SCN3B: variants seen among roughly 807,000 people sequenced by gnomAD.
The protein encoded by SCN3B is sodium voltage-gated channel beta subunit 3.
SCN3B carries 11 observed loss-of-function variants against 25.4 expected under a neutral mutation model. That is an observed-to-expected ratio of 0.43 (90% CI 0.27 to 0.72). SCN3B has a LOEUF of 0.72. Among genes scored for constraint, SCN3B ranks in the 30% least tolerant of loss-of-function variants. The pLI is 0.18. For synonymous variants in SCN3B, 109 were observed against 110.7 expected (o/e 0.99, Z 0.09); for missense variants, 218 against 278.3 (o/e 0.78, Z 1.54).
rs34964168 is a variant in SCN3B, at chr11:123,638,188, G to A, written c.582C>T (p.Asn194=). Residue 194 remains asparagine (N), a splice_region_variant and synonymous_variant, in exon 5 of 7, where the codon AAC becomes AAT. Coordinates refer to ENST00000299333, the MANE Select transcript of SCN3B (RefSeq NM_001040151.2). Reference sequence around the variant, plus strand: ...TACTTTGGCATCTCTGGACTTACGCGTTTTCTTGGGCTGCCTCTTCGGCTT... The same window carrying A: ...TACTTTGGCATCTCTGGACTTACGCATTTTCTTGGGCTGCCTCTTCGGCTT... The part of the protein sequence containing the change: ...VSKAEEAAQE[N]ASDYLAIPSE... 9.0e-4 allele frequency: 1,457 copies of A among 1,614,040 alleles called. 3 individuals carry two copies. Among genetic ancestry groups the A allele is most frequent in the African/African-American group, 6.8e-3 (508 of 75,032 alleles).
rs892730320 is a variant in SCN3B at position 123,642,934 on chromosome 11, G to T, written c.220-263C>A. Among the ~76,000 whole-genome samples the T allele has an allele frequency of 3.7e-4, 57 of 152,060 alleles. No homozygotes were observed. The highest frequency in any genetic ancestry group is 1.4e-3 in the African/African-American group (56 of 41,406). On this transcript the variant is annotated intron_variant, in intron 3 of 6. Transcript: ENST00000299333. The surrounding 1 kb of genome is among the most constrained non-coding windows in gnomAD (Gnocchi z 4.3). Reference sequence around the variant, plus strand: ...ACGTGGTGAGGACAGAGGCAGCCACGGGCGTGTAGGAAGAAGCTTGGCAGA... The same window carrying T: ...ACGTGGTGAGGACAGAGGCAGCCACTGGCGTGTAGGAAGAAGCTTGGCAGA...
chr11:123,632,212 A>C lies in SCN3B; in HGVS notation c.*1587T>G, dbSNP rs1032288994. On this transcript the variant is annotated 3_prime_UTR_variant, in exon 7 of 7. Transcript: ENST00000299333. ...TAGGCGAAGTATTTGGAAAGCACCT[A>C]CCCATCCCTCCCCTCTCACACTGCT... 1.3e-5 allele frequency: 2 copies of C among 152,192 alleles called. No homozygotes were observed. Among genetic ancestry groups the C allele is most frequent in the Non-Finnish European group, 2.9e-5 (2 of 68,022 alleles). The allele number at this position is 152,192 out of a possible 1,614,324, so 9.4% of individuals were successfully genotyped here.
At chr11:123,653,325 GT>G (rs3862615) in intron 2 of SCN3B, among the ~76,000 whole-genome samples, 30,527 of 145,228 alleles carry the variant, frequency 0.21, 3,769 homozygotes, top group East Asian at 0.45. Flanking sequence ...AGCTTTTATG[GT>G]TTTTTTTTTT....
rs757940791 is a variant in SCN3B, at chr11:123,645,588, A to G, written c.218T>C (p.Leu73Pro). ...GCCAGAGTCAGCAGTCTAACATACA[A>G]GGAAATCTTTACCGCCCTCGGGCCT... ...FYRPEGGKDF[L>P]IYEYRNGHQE... Residue 73 changes from leucine to proline, a missense_variant and splice_region_variant, in exon 3 of 7, where the codon CTT becomes CCT. Coordinates refer to ENST00000299333, the MANE Select transcript of SCN3B (RefSeq NM_001040151.2). The G allele has an allele frequency of 8.1e-6, 13 of 1,614,146 alleles. No individual in the cohort carries two copies. The South Asian group carries it at 9.9e-5, about 12-fold the overall frequency.
At chr11:123,647,943 C>T (rs905956960) in intron 2 of SCN3B, among the ~76,000 whole-genome samples, 14 of 152,166 alleles carry the variant, frequency 9.2e-5, no homozygotes, top group Admixed American at 2.6e-4. Context: ...TGGTGAGCCA[C>T]GTTAATGGAG....
chr11:123,640,573 T>C (rs1239347700), intron 4 of SCN3B: 1 of 152,016 alleles, frequency 6.6e-6, no homozygotes, highest in Non-Finnish European at 1.5e-5. Flanking sequence ...AAAGAAACAG[T>C]GGAAAGCAAG....
chr11:123,634,295 A>T (rs1955702380), intron 5 of SCN3B, 89 bp from the exon 6 acceptor site: 9 of 1,029,094 alleles, frequency 8.7e-6, no homozygotes, highest in Non-Finnish European at 1.2e-5. Flanking sequence ...AGGAGCAAGG[A>T]TCTACAGAAC....
intron 5 of SCN3B, among the ~76,000 whole-genome samples, chr11:123,634,503 G>A (rs1208092640): frequency 6.6e-6 from 1 of 152,218 alleles, no homozygotes; most frequent in Non-Finnish European, 1.5e-5. Context: ...CACTTTGGGA[G>A]GCCAAGGCAG....
chr11:123,654,011 T>G (rs1955963474), intron 1 of SCN3B, 185 bp from the exon 2 acceptor site: 1 of 610,088 alleles, frequency 1.6e-6, no homozygotes, highest in Non-Finnish European at 2.9e-6. Context: ...GCGACCCCAC[T>G]GGACCTCCCC....
At chr11:123,645,502 C>T (rs1007330190) in intron 3 of SCN3B, 85 bp downstream of exon 3, 4 of 1,381,602 alleles carry the variant, frequency 2.9e-6, no homozygotes, top group Middle Eastern at 3.6e-4. Context: ...TGTTTGCTAG[C>T]TTGGCATCCC....
In SCN3B at chr11:123,630,037, G is replaced by A. The variant is rs1410838895; in HGVS notation, c.*3762C>T. 1 of 152,148 alleles carries A rather than the reference G, an allele frequency of 6.6e-6. No homozygotes were observed. The highest frequency in any genetic ancestry group is 1.5e-5 in the Non-Finnish European group (1 of 68,030). The allele number at this position is 152,148 out of a possible 1,614,324, so 9.4% of individuals were successfully genotyped here. Reference sequence around the variant, plus strand: ...TCCAATAATTTTGGGGAGAGAGGAGGGAGTTGCTGTCTCCTACTTCCCAGC... The same window carrying A: ...TCCAATAATTTTGGGGAGAGAGGAGAGAGTTGCTGTCTCCTACTTCCCAGC... On this transcript the variant is annotated 3_prime_UTR_variant, in exon 7 of 7. Coordinates refer to ENST00000299333, the MANE Select transcript of SCN3B (RefSeq NM_001040151.2).
intron 5 of SCN3B, among the ~76,000 whole-genome samples, chr11:123,637,220 G>C (rs988351279): frequency 1.3e-5 from 2 of 152,136 alleles, no homozygotes; most frequent in Non-Finnish European, 2.9e-5. Context: ...TAAGGTACAG[G>C]CTGGACTTTA....
chr11:123,642,570 CA>C lies in SCN3B; in HGVS notation c.320del (p.Val107GlyfsTer6). 6.2e-7 allele frequency: 1 copy of C among 1,614,204 alleles called. No homozygotes were observed. The highest frequency in any genetic ancestry group is 8.5e-7 in the Non-Finnish European group (1 of 1,180,046). On this transcript the variant is annotated frameshift_variant, in exon 4 of 7. Transcript: ENST00000299333. LOFTEE classifies it high-confidence loss of function. This position sits in a 1 kb window ranked among gnomAD's most constrained non-coding sequence, Gnocchi z 4.3. ...CAGAGTCGTTCAGAGTGACGTTGAG[CA>C]CAGTGATGGACACGTCCTGCAGGTC... ...SKDLQDVSIT[V>X]LNVTLNDSGL... is the part of the protein sequence containing the mutation.
rs995559255 is a variant in SCN3B, at chr11:123,631,925, C to T, written c.*1874G>A. The T allele has an allele frequency of 5.9e-5, 9 of 152,208 alleles. No individual in the cohort carries two copies. The highest frequency in any genetic ancestry group is 5.8e-4 in the East Asian group (3 of 5,178). 9.4% of individuals were successfully genotyped at this position (152,208 alleles called of 1,614,324 possible). On this transcript the variant is annotated 3_prime_UTR_variant, in exon 7 of 7. Transcript: ENST00000299333. ...AAAAAAATGAGCTTTTAAGGTAAAG[C>T]CCTAAACCTATGGAATATGGTCTTT...
intron 6 of SCN3B, 105 bp downstream of exon 6, chr11:123,634,016 G>T: frequency 2.3e-6 from 2 of 866,846 alleles, no homozygotes; most frequent in South Asian, 1.4e-5. Context: ...GGTAGACAGT[G>T]ACCTAAGGGA....
rs1340643177 is a variant in SCN3B at position 123,629,337 on chromosome 11, G to A, written c.*4462C>T. 6.6e-6 allele frequency: 1 copy of A among 152,178 alleles called. No individual in the cohort carries two copies. 9.4% of individuals were successfully genotyped at this position (152,178 alleles called of 1,614,324 possible). A position where few individuals can be genotyped will look rare whatever the true frequency, so the allele number is the denominator to read the frequency against. ...GCAGTTCACAAGCCTGCAAGCACTC[G>A]GCCTTCAGCGGCCTCCGTCTCCATC... On this transcript the variant is annotated 3_prime_UTR_variant, in exon 7 of 7. Coordinates refer to ENST00000299333, the MANE Select transcript of SCN3B (RefSeq NM_001040151.2).
Position 123,654,276 on chromosome 11 carries a change from C to T in SCN3B, c.-76G>A, listed in dbSNP as rs1955966864. On this transcript the variant is annotated 5_prime_UTR_variant, in exon 1 of 7. Coordinates refer to ENST00000299333, the MANE Select transcript of SCN3B (RefSeq NM_001040151.2). ...GTTCCGACTGGAATCCTCCCAGCCC[C>T]GCGGCTCCTGCTTCGTCCGCCCTAA... 5.5e-6 allele frequency: 1 copy of T among 180,808 alleles called. No homozygotes were observed. The highest frequency in any genetic ancestry group is 1.2e-5 in the Non-Finnish European group (1 of 84,266). The allele number at this position is 180,808 out of a possible 1,614,324, so 11.2% of individuals were successfully genotyped here. A position where few individuals can be genotyped will look rare whatever the true frequency, so the allele number is the denominator to read the frequency against.
chr11:123,636,073 T>C (rs577902724), intron 5 of SCN3B, among the ~76,000 whole-genome samples: 3 of 152,252 alleles, frequency 2.0e-5, no homozygotes, highest in Non-Finnish European at 2.9e-5. Context: ...CTCCATCTAG[T>C]TACGTTTAAA....
At chr11:123,645,175 A>T (rs897262482) in intron 3 of SCN3B, among the ~76,000 whole-genome samples, 2 of 152,198 alleles carry the variant, frequency 1.3e-5, no homozygotes, top group East Asian at 3.9e-4. Flanking sequence ...TTTCAATGGG[A>T]CTGCAGGAGT....
Sources: gnomAD v4.1 joint callset for allele counts (sites outside exome capture counted in the v4.1 genomes callset) on GRCh38, gnomAD v4.1.1 for gene constraint, Gnocchi (gnomAD v3.1) non-coding constraint, MANE v1.5 for transcripts, NCBI Gene and HGNC (gene_info 2026-07-23, HGNC 2026-07-21) for gene names.